DYM: variants seen among roughly 807,000 people sequenced by gnomAD.
DYM encodes dymeclin, also known as dyggve-Melchior-Clausen syndrome protein.
Under a neutral mutation model 93.1 loss-of-function variants are expected in DYM, and 78 were observed. That is an observed-to-expected ratio of 0.84 (90% CI 0.70 to 1.01). The LOEUF (loss-of-function observed/expected upper bound fraction) is 1.01, where lower values mean the gene tolerates loss of function less well. Ranked by LOEUF, DYM falls within the 50% of genes least tolerant of loss-of-function variation. The pLI is 0.00. For synonymous variants in DYM, 321 were observed against 319.7 expected (o/e 1.00, Z -0.04); for missense variants, 789 against 845.0 (o/e 0.93, Z 0.82).
chr18:49,401,515 T>C (rs1207636526), intron 2 of DYM, among the ~76,000 whole-genome samples: 2 of 152,208 alleles, frequency 1.3e-5, no homozygotes, highest in African/African-American at 4.8e-5. Context: ...GGCATCCTCA[T>C]CTCAAACATC....
chr18:49,124,511 A>G (rs957906965), intron 15 of DYM, among the ~76,000 whole-genome samples: 1 of 146,878 alleles, frequency 6.8e-6, no homozygotes, highest in African/African-American at 2.5e-5. Flanking sequence ...CCTGTCTCAA[A>G]AAAAAAAAAA....
intron 14 of DYM, 60 bp downstream of exon 14, chr18:49,209,491 G>T (rs2092680066): frequency 2.8e-6 from 3 of 1,066,348 alleles, no homozygotes; most frequent in South Asian, 1.9e-5. Flanking sequence ...ATTAAAACAT[G>T]CAATTGTCAG....
chr18:49,317,603 TCCC>T (rs1279265695), intron 8 of DYM, among the ~76,000 whole-genome samples: 409 of 17,844 alleles, frequency 0.023, 3 homozygotes, highest in African/African-American at 0.069. Flanking sequence ...CTCTCCCCCC[TCCC>T]CCCTCCCTCC....
At chr18:49,298,536 G>A (rs1323515646) in intron 8 of DYM, among the ~76,000 whole-genome samples, 2 of 148,826 alleles carry the variant, frequency 1.3e-5, no homozygotes, top group Non-Finnish European at 3.0e-5. Context: ...AGCTGAGATT[G>A]CACCATTGCA....
At chr18:49,142,199 G>T (rs2084589790) in intron 15 of DYM, among the ~76,000 whole-genome samples, 1 of 151,918 alleles carries the variant, frequency 6.6e-6, no homozygotes, top group African/African-American at 2.4e-5. Context: ...TGTTTTCCTT[G>T]TATTTATTCC....
chr18:49,430,161 A>G, intron 2 of DYM, 94 bp downstream of exon 2: 1 of 1,163,330 alleles, frequency 8.6e-7, no homozygotes, highest in East Asian at 2.3e-5. Flanking sequence ...CTAGATAGAT[A>G]GACAGAACAT....
intron 14 of DYM, among the ~76,000 whole-genome samples, chr18:49,173,265 G>C (rs2088977542): frequency 6.6e-6 from 1 of 152,012 alleles, no homozygotes. Context: ...TTCCAACTTA[G>C]GCTTTGTCAA....
intron 8 of DYM, among the ~76,000 whole-genome samples, chr18:49,320,856 G>T (rs1418208343): frequency 6.6e-6 from 1 of 152,114 alleles, no homozygotes; most frequent in Non-Finnish European, 1.5e-5. Flanking sequence ...TAAATATTAA[G>T]AATTATTCAT....
chr18:49,397,190 CAATT>C (rs1322244535), intron 2 of DYM, among the ~76,000 whole-genome samples: 1 of 152,082 alleles, frequency 6.6e-6, no homozygotes, highest in Non-Finnish European at 1.5e-5. Flanking sequence ...AATTATGTGT[CAATT>C]AACAAAATAA....
chr18:49,105,348 C>T (rs1380719731), intron 16 of DYM, among the ~76,000 whole-genome samples: 1 of 152,066 alleles, frequency 6.6e-6, no homozygotes, highest in East Asian at 1.9e-4. Flanking sequence ...TTGATCTTTT[C>T]AAAAAACCAG....
intron 2 of DYM, among the ~76,000 whole-genome samples, chr18:49,392,321 G>A (rs1599870054): frequency 6.6e-6 from 1 of 151,828 alleles, no homozygotes; most frequent in Non-Finnish European, 1.5e-5. Context: ...AAAAGCACAG[G>A]TATCAACAGA....
chr18:49,056,281 G>C (rs1194313005), intron 17 of DYM, among the ~76,000 whole-genome samples: 2 of 152,192 alleles, frequency 1.3e-5, no homozygotes, highest in Non-Finnish European at 2.9e-5. Flanking sequence ...CATTGACACT[G>C]TCAGAGTAGA....
intron 13 of DYM, among the ~76,000 whole-genome samples, chr18:49,242,086 T>C (rs1015775887): frequency 1.3e-5 from 2 of 152,226 alleles, no homozygotes; most frequent in Middle Eastern, 3.4e-3. Context: ...CACCCCACCA[T>C]TCCACTGTGG....
chr18:49,430,156 T>TC (rs2074672060), intron 2 of DYM, 99 bp downstream of exon 2: 1 of 1,117,554 alleles, frequency 8.9e-7, no homozygotes, highest in African/African-American at 1.5e-5. Context: ...ATAGACTAGA[T>TC]AGATAGACAG....
intron 5 of DYM, among the ~76,000 whole-genome samples, chr18:49,370,772 T>C (rs548135488): frequency 1.6e-3 from 240 of 151,966 alleles, no homozygotes; most frequent in Non-Finnish European, 2.9e-3. Flanking sequence ...GTCTCCAAAA[T>C]AAAAGAAAAA....
chr18:49,414,449 A>G (rs1211261409), intron 2 of DYM, among the ~76,000 whole-genome samples: 1 of 152,216 alleles, frequency 6.6e-6, no homozygotes, highest in Non-Finnish European at 1.5e-5. Context: ...ATTATAGCAG[A>G]CTAGACTCAA....
At chr18:49,247,507 T>C (rs995461361) in intron 13 of DYM, among the ~76,000 whole-genome samples, 2 of 152,122 alleles carry the variant, frequency 1.3e-5, no homozygotes, top group Non-Finnish European at 2.9e-5. Context: ...GAGGACAAAG[T>C]TGAACCACAC....
intron 17 of DYM, among the ~76,000 whole-genome samples, chr18:49,075,979 T>C (rs924381704): frequency 6.6e-6 from 1 of 152,218 alleles, no homozygotes; most frequent in African/African-American, 2.4e-5. Context: ...TGTGGCAATG[T>C]TTATCCTCCA....
chr18:49,324,976 C>A (rs1296813352), intron 8 of DYM, among the ~76,000 whole-genome samples: 1 of 152,096 alleles, frequency 6.6e-6, no homozygotes, highest in African/African-American at 2.4e-5. Flanking sequence ...GACTCTATCC[C>A]AAATCTTCTG....
Sources: allele counts gnomAD v4.1 joint callset (sites outside exome capture counted in the v4.1 genomes callset), GRCh38; gene constraint gnomAD v4.1.1; transcripts MANE v1.5; gene names NCBI Gene and HGNC (gene_info 2026-07-23, HGNC 2026-07-21).